The following FOXK1 variants were observed in gnomAD, a reference collection of about 807,000 sequenced individuals.
FOXK1 encodes the protein forkhead box protein K1.
A neutral mutation model predicts 51.9 loss-of-function variants in FOXK1; 19 were observed. The observed-to-expected ratio is 0.37, with a 90% confidence interval of 0.26 to 0.54. The LOEUF (loss-of-function observed/expected upper bound fraction) is 0.54, where lower values mean the gene tolerates loss of function less well. FOXK1 is among the 20% of genes least tolerant of loss of function. The probability of loss-of-function intolerance (pLI) is 0.87; values close to 1 mark genes in which losing one functional copy is unlikely to be tolerated. For missense variants in FOXK1, 870 were observed against 1,032.7 expected (o/e 0.84, Z 2.16); for synonymous variants, 537 against 482.6 (o/e 1.11, Z -1.48).
chr7:4,705,550 T>TCG (rs879689210), intron 1 of FOXK1, among the ~76,000 whole-genome samples: 3,614 of 148,742 alleles, frequency 0.024, 60 homozygotes, highest in African/African-American at 0.051. Context: ...TCTCTCTCTC[T>TCG]CTCTCTCTCG....
rs1562379348 is a variant in FOXK1, at chr7:4,723,838, C to T, written c.561-17000C>T. Among the ~76,000 whole-genome samples the T allele has an allele frequency of 6.6e-6, 1 of 152,066 alleles. No individual in the cohort carries two copies. The highest frequency in any genetic ancestry group is 1.5e-5 in the Non-Finnish European group (1 of 67,998). ...GTGCACCACCACACCTGGCTGACTTCTTTGTATTTTTGGTAAAGATGGGGA... is the reference window on the plus strand; with the variant it reads ...GTGCACCACCACACCTGGCTGACTTTTTTGTATTTTTGGTAAAGATGGGGA... On this transcript the variant is annotated intron_variant, in intron 1 of 8. Transcript: ENST00000328914. This position sits in a 1 kb window ranked among gnomAD's most constrained non-coding sequence, Gnocchi z 4.7.
In FOXK1 at chr7:4,722,055, T is replaced by G. The variant is rs1026440557; in HGVS notation, c.561-18783T>G. Among the ~76,000 whole-genome samples, 1 of 152,164 alleles carries G rather than the reference T, an allele frequency of 6.6e-6. No individual in the cohort carries two copies. The highest frequency in any genetic ancestry group is 1.5e-5 in the Non-Finnish European group (1 of 68,034). ...GGTGACCCCGCTGCATCCCATACCC[T>G]CCACCCATCCCAGCAGCCTCATGCC... On this transcript the variant is annotated intron_variant, in intron 1 of 8. Coordinates refer to ENST00000328914, the MANE Select transcript of FOXK1 (RefSeq NM_001037165.2). This position sits in a 1 kb window ranked among gnomAD's most constrained non-coding sequence, Gnocchi z 5.1.
intron 2 of FOXK1, among the ~76,000 whole-genome samples, chr7:4,744,671 G>A (rs903391021): frequency 4.6e-5 from 7 of 152,240 alleles, no homozygotes; most frequent in Admixed American, 1.3e-4. Flanking sequence ...GCTGGGTGGC[G>A]GCCTCCTGTG....
rs10232008 is a variant in FOXK1, at chr7:4,743,575, T to G, written c.746+2552T>G. Among the ~76,000 whole-genome samples, 97,678 of 152,184 alleles carry G rather than the reference T, an allele frequency of 0.64. 33,145 individuals are homozygous for G. The highest frequency in any genetic ancestry group is 0.85 in the East Asian group (4,404 of 5,176). The stretch of plus-strand genomic sequence containing the variant: ...TCAGTAAATAAATAAATGGTGAATT[T>G]TATGTTATGGGAATTGCATCTGAAG... On this transcript the variant is annotated intron_variant, in intron 2 of 8. Transcript: ENST00000328914. This position sits in a 1 kb window ranked among gnomAD's most constrained non-coding sequence, Gnocchi z 5.3.
rs530022928 is a variant in FOXK1, at chr7:4,722,682, G to A, written c.561-18156G>A. Among the ~76,000 whole-genome samples, 1 of 152,354 alleles carries A rather than the reference G, an allele frequency of 6.6e-6. No homozygotes were observed. Among genetic ancestry groups the A allele is most frequent in the African/African-American group, 2.4e-5 (1 of 41,588 alleles). On this transcript the variant is annotated intron_variant, in intron 1 of 8. Coordinates refer to ENST00000328914, the MANE Select transcript of FOXK1 (RefSeq NM_001037165.2). This position sits in a 1 kb window ranked among gnomAD's most constrained non-coding sequence, Gnocchi z 5.1. ...AAACGGGATTTTCCTTGGGTGAAAC[G>A]AGGAAGTCGTAGGAGACCCACCTCA...
chr7:4,762,238 T>C lies in FOXK1; in HGVS notation c.1976T>C (p.Val659Ala). The change falls in exon 9 of 9, where the codon GTG becomes GCG. Residue 659 changes from valine (V) to alanine (A), a missense_variant. Transcript: ENST00000328914. The surrounding 1 kb of genome is among the most constrained non-coding windows in gnomAD (Gnocchi z 5.7). The stretch of plus-strand genomic sequence containing the variant: ...ACCCAAGCGAGTTCATCCGCGCCGG[T>C]GGTGGTCACCCGGGTGTGCGAGGTG... ...LATQASSSAP[V>A]VVTRVCEVGP... 6.4e-7 allele frequency: 1 copy of C among 1,553,816 alleles called. No individual in the cohort carries two copies. Among genetic ancestry groups the C allele is most frequent in the Admixed American group, 1.9e-5 (1 of 51,704 alleles).
rs144723411 is a variant in FOXK1 at position 4,704,881 on chromosome 7, G to A, written c.560+22013G>A. Among the ~76,000 whole-genome samples, 409 of 142,872 alleles carry A rather than the reference G, an allele frequency of 2.9e-3. 6 individuals are homozygous for A. The highest frequency in any genetic ancestry group is 0.011 in the African/African-American group (390 of 34,880). The allele number at this position is 142,872 out of a possible 152,430, so 93.7% of individuals were successfully genotyped here. ...AAGTCTGGCTCTGTCACCCAGGCTGGAGTGCAGTGGCATGAACTCAGCTCA... is the reference window on the plus strand; with the variant it reads ...AAGTCTGGCTCTGTCACCCAGGCTGAAGTGCAGTGGCATGAACTCAGCTCA... On this transcript the variant is annotated intron_variant, in intron 1 of 8. Coordinates refer to ENST00000328914, the MANE Select transcript of FOXK1 (RefSeq NM_001037165.2).
In FOXK1 at chr7:4,745,663, G is replaced by C. The variant is rs1053072167; in HGVS notation, c.746+4640G>C. Among the ~76,000 whole-genome samples the C allele has an allele frequency of 6.6e-6, 1 of 152,152 alleles. No homozygotes were observed. The highest frequency in any genetic ancestry group is 2.4e-5 in the African/African-American group (1 of 41,434). ...TCAGGCCTGTAATCCCAGCACTTTG[G>C]GAGGCTGAGGCAGGCGGATCACCTG... On this transcript the variant is annotated intron_variant, in intron 2 of 8. Transcript: ENST00000328914. This position sits in a 1 kb window ranked among gnomAD's most constrained non-coding sequence, Gnocchi z 4.3.
At chr7:4,727,251 C>CTAT (rs891009317) in intron 1 of FOXK1, among the ~76,000 whole-genome samples, 1 of 152,034 alleles carries the variant, frequency 6.6e-6, no homozygotes, top group Non-Finnish European at 1.5e-5. Flanking sequence ...TGCTCCCAGC[C>CTAT]TATTATTATT....
Position 4,769,014 on chromosome 7 carries a change from G to A in FOXK1, c.*6550G>A, listed in dbSNP as rs1394715648. ...GTATTTTTGTGCAGGGCTGAAGTGA[G>A]CGTTCCTCCTCTGAATTGGTGAGGC... On this transcript the variant is annotated 3_prime_UTR_variant, in exon 9 of 9. Coordinates refer to ENST00000328914, the MANE Select transcript of FOXK1 (RefSeq NM_001037165.2). This position sits in a 1 kb window ranked among gnomAD's most constrained non-coding sequence, Gnocchi z 4.1. 6.6e-6 allele frequency: 1 copy of A among 152,182 alleles called. No individual in the cohort carries two copies. Among genetic ancestry groups the A allele is most frequent in the African/African-American group, 2.4e-5 (1 of 41,442 alleles). 9.4% of individuals were successfully genotyped at this position (152,182 alleles called of 1,614,324 possible).
At chr7:4,727,610 G>T (rs117123042) in intron 1 of FOXK1, among the ~76,000 whole-genome samples, 1 of 152,180 alleles carries the variant, frequency 6.6e-6, no homozygotes, top group Non-Finnish European at 1.5e-5. Context: ...CACGGCGCCC[G>T]GCCTGATTTT....
chr7:4,737,547 C>T (rs375708245), intron 1 of FOXK1, among the ~76,000 whole-genome samples: 68 of 115,778 alleles, frequency 5.9e-4, no homozygotes, highest in African/African-American at 2.1e-3. Flanking sequence ...CACGTGTGTG[C>T]GTGCCTGTGT....
rs925945173 is a variant in FOXK1, at chr7:4,703,991, C to T, written c.560+21123C>T. On this transcript the variant is annotated intron_variant, in intron 1 of 8. Transcript: ENST00000328914. The surrounding 1 kb of genome is among the most constrained non-coding windows in gnomAD (Gnocchi z 5.6). ...CCCCTACGTGTGGAAAACTGGCTAC[C>T]GCATGCTTAACAAAATAACTTGGGA... Among the ~76,000 whole-genome samples the T allele has an allele frequency of 5.9e-5, 9 of 152,114 alleles. No individual in the cohort carries two copies. In the East Asian group the frequency reaches 1.2e-3, roughly 20 times the overall value.
chr7:4,716,340 A>G (rs1173510911), intron 1 of FOXK1, among the ~76,000 whole-genome samples: 1 of 152,156 alleles, frequency 6.6e-6, no homozygotes, highest in East Asian at 1.9e-4. Flanking sequence ...TTTCTACAAA[A>G]AAAAATTTTG....
In FOXK1 at chr7:4,762,620, A is replaced by T; in HGVS notation, c.*156A>T. 1 of 659,680 alleles carries T rather than the reference A, an allele frequency of 1.5e-6. No individual in the cohort carries two copies. The highest frequency in any genetic ancestry group is 2.0e-5 in the South Asian group (1 of 50,170). The allele number at this position is 659,680 out of a possible 1,614,324, so 40.9% of individuals were successfully genotyped here. A position where few individuals can be genotyped will look rare whatever the true frequency, so the allele number is the denominator to read the frequency against. ...GGACACACCCAGCCCTTTCCATTTGATCGCCTGCCTTCCCGTGGTTTAAGA... is the reference window on the plus strand; with the variant it reads ...GGACACACCCAGCCCTTTCCATTTGTTCGCCTGCCTTCCCGTGGTTTAAGA... On this transcript the variant is annotated 3_prime_UTR_variant, in exon 9 of 9. Transcript: ENST00000328914. This position sits in a 1 kb window ranked among gnomAD's most constrained non-coding sequence, Gnocchi z 5.7.
Position 4,711,301 on chromosome 7 carries a change from G to A in FOXK1, c.560+28433G>A, listed in dbSNP as rs1463469087. Among the ~76,000 whole-genome samples the A allele has an allele frequency of 6.6e-6, 1 of 152,172 alleles. No homozygotes were observed. Among genetic ancestry groups the A allele is most frequent in the Non-Finnish European group, 1.5e-5 (1 of 68,032 alleles). On this transcript the variant is annotated intron_variant, in intron 1 of 8. Coordinates refer to ENST00000328914, the MANE Select transcript of FOXK1 (RefSeq NM_001037165.2). This position sits in a 1 kb window ranked among gnomAD's most constrained non-coding sequence, Gnocchi z 6.3. ...GTGTCCTGGGAAGCGTCCATGGGAT[G>A]TATCAGTCAGGGAGGCTGGGCGCAG...
At chr7:4,696,587 G>A (rs1021838509) in intron 1 of FOXK1, among the ~76,000 whole-genome samples, 1 of 152,216 alleles carries the variant, frequency 6.6e-6, no homozygotes, top group African/African-American at 2.4e-5. Context: ...CCCAGAAGCT[G>A]CGAGTCCCTC....
Position 4,761,931 on chromosome 7 carries a change from T to C in FOXK1, c.1922-253T>C, listed in dbSNP as rs769331221. On this transcript the variant is annotated intron_variant, in intron 8 of 8. Coordinates refer to ENST00000328914, the MANE Select transcript of FOXK1 (RefSeq NM_001037165.2). The surrounding 1 kb of genome is among the most constrained non-coding windows in gnomAD (Gnocchi z 6.2). ...GTAAAGGAGTGAGGCAAGCCGTCGA[T>C]GTCCAGCAGGATCTAGACAGCAATG... is the stretch of plus-strand genomic sequence containing the variant. Among the ~76,000 whole-genome samples, 11 of 151,952 alleles carry C rather than the reference T, an allele frequency of 7.2e-5. No homozygotes were observed. The highest frequency in any genetic ancestry group is 1.5e-4 in the Non-Finnish European group (10 of 67,972).
At position 4,748,804 on chromosome 7, in the gene FOXK1, G is replaced by A. The variant is rs1490462770; in HGVS notation, c.747-5655G>A. 2.6e-5 allele frequency among the ~76,000 whole-genome samples: 4 copies of A among 152,026 alleles called. No individual in the cohort carries two copies. The highest frequency in any genetic ancestry group is 5.9e-5 in the Non-Finnish European group (4 of 67,998). ...AGCGAGCCTCCTGCCTCAGCCTCCC[G>A]AGTAGTAGGGACTACAGGTGTGCAC... On this transcript the variant is annotated intron_variant, in intron 2 of 8. Transcript: ENST00000328914. The surrounding 1 kb of genome is among the most constrained non-coding windows in gnomAD (Gnocchi z 4.9).
Sources: allele counts gnomAD v4.1 joint callset (sites outside exome capture counted in the v4.1 genomes callset), GRCh38; gene constraint gnomAD v4.1.1; non-coding constraint Gnocchi (gnomAD v3.1); transcripts MANE v1.5; gene names NCBI Gene and HGNC (gene_info 2026-07-23, HGNC 2026-07-21).